GTF3C3: variants seen among roughly 807,000 people sequenced by gnomAD.
The protein encoded by GTF3C3 is general transcription factor IIIC subunit 3, also known as general transcription factor 3C polypeptide 3.
A neutral mutation model predicts 105.2 loss-of-function variants in GTF3C3; 75 were observed. That is an observed-to-expected ratio of 0.71 (90% CI 0.59 to 0.86). The LOEUF (loss-of-function observed/expected upper bound fraction) is 0.86. GTF3C3 is among the 40% of genes least tolerant of loss of function. The pLI is 0.00. For missense variants in GTF3C3, 856 were observed against 1,076.5 expected (o/e 0.80, Z 2.87); for synonymous variants, 335 against 370.4 (o/e 0.90, Z 1.10).
chr2:196,781,357 A>AAAAATATATAT, intron 8 of GTF3C3, among the ~76,000 whole-genome samples: 8 of 18,810 alleles, frequency 4.3e-4, no homozygotes, highest in African/African-American at 5.2e-4. Context: ...AAAAAAAAAA[A>AAAAATATATAT]ATATATATAT....
chr2:196,797,221 T>C (rs1699662386), intron 2 of GTF3C3, among the ~76,000 whole-genome samples: 1 of 152,236 alleles, frequency 6.6e-6, no homozygotes, highest in Non-Finnish European at 1.5e-5. Context: ...TGAACATTAA[T>C]AAATTTGCTT....
chr2:196,798,196 TTAA>T lies in GTF3C3; in HGVS notation c.103-291_103-289del, dbSNP rs1401261472. Among the ~76,000 whole-genome samples, 14 of 152,300 alleles carry T rather than the reference TTAA, an allele frequency of 9.2e-5. No individual in the cohort carries two copies. The South Asian group carries it at 2.1e-3, about 23-fold the overall frequency. On this transcript the variant is annotated intron_variant, in intron 1 of 17. Coordinates refer to ENST00000263956, the MANE Select transcript of GTF3C3 (RefSeq NM_012086.5). ...TGTAAAAAAAAATAAATAAAATATC[TTAA>T]TAATTTCATTAATGAACATATTGTA...
At chr2:196,775,863 T>C (rs1446771516) in intron 12 of GTF3C3, 147 bp downstream of exon 12, 2 of 488,370 alleles carry the variant, frequency 4.1e-6, no homozygotes, top group Non-Finnish European at 7.3e-6. Flanking sequence ...ACCAATAACC[T>C]CTAGCTTTTT....
chr2:196,764,488 A>G lies in GTF3C3; in HGVS notation c.*75T>C, dbSNP rs1415577151. ...TTGTCATTTCTATTTTGGAGTTACA[A>G]ATAATAAGCCCTGAGACAGAAGACA... On this transcript the variant is annotated 3_prime_UTR_variant, in exon 18 of 18. Coordinates refer to ENST00000263956, the MANE Select transcript of GTF3C3 (RefSeq NM_012086.5). The G allele has an allele frequency of 6.8e-6, 9 of 1,328,438 alleles. No individual in the cohort carries two copies. The highest frequency in any genetic ancestry group is 9.1e-6 in the Non-Finnish European group (9 of 989,238). The allele number at this position is 1,328,438 out of a possible 1,614,324, so 82.3% of individuals were successfully genotyped here.
chr2:196,787,802 G>A (rs1224158809), intron 6 of GTF3C3, among the ~76,000 whole-genome samples: 1 of 152,068 alleles, frequency 6.6e-6, no homozygotes, highest in Non-Finnish European at 1.5e-5. Context: ...GTTCAATAGT[G>A]GATACCCTGG....
chr2:196,794,062 C>G lies in GTF3C3; in HGVS notation c.215-910G>C, dbSNP rs921104941. On this transcript the variant is annotated intron_variant, in intron 2 of 17. Transcript: ENST00000263956. ...GCTGTGCTCTCATGAATAGATTAAT[C>G]CATTCATGATTTAATGGGTTATCAT... Among the ~76,000 whole-genome samples, 17 of 152,012 alleles carry G rather than the reference C, an allele frequency of 1.1e-4. 1 individual carries two copies. The highest frequency in any genetic ancestry group is 9.2e-4 in the Admixed American group (14 of 15,248).
At position 196,769,973 on chromosome 2, in the gene GTF3C3, G is replaced by T; in HGVS notation, c.2327C>A (p.Thr776Asn). The T allele has an allele frequency of 6.2e-7, 1 of 1,603,192 alleles. No homozygotes were observed. Among genetic ancestry groups the T allele is most frequent in the South Asian group, 1.1e-5 (1 of 89,606 alleles). The change falls in exon 16 of 18, where the codon ACC becomes AAC. Residue 776 changes from threonine (T) to asparagine (N), a missense_variant. By Grantham distance (65) the Thr-to-Asn change is moderately conservative. Coordinates refer to ENST00000263956, the MANE Select transcript of GTF3C3 (RefSeq NM_012086.5). Reference protein sequence around the residue: ...EPLYSFCIGLTFIHMASQKYV... With the variant: ...EPLYSFCIGLNFIHMASQKYV... ...CTTCTGAGATGCCATATGAATAAAG[G>T]TTAGGCCTATACAGAAGCTATAGAG...
At chr2:196,780,804 A>T (rs533833512) in intron 8 of GTF3C3, 142 bp from the exon 9 acceptor site, 1 of 979,756 alleles carries the variant, frequency 1.0e-6, no homozygotes, top group Non-Finnish European at 1.4e-6. Context: ...ATAAGTTCTT[A>T]TATCTCTCTC....
chr2:196,767,037 G>T (rs1213317947), intron 16 of GTF3C3: 1 of 175,682 alleles, frequency 5.7e-6, no homozygotes, highest in Non-Finnish European at 1.2e-5. Context: ...GCCGTTATAG[G>T]CCAATAAACT....
chr2:196,777,378 G>T (rs1196727214), intron 10 of GTF3C3, among the ~76,000 whole-genome samples: 1 of 152,196 alleles, frequency 6.6e-6, no homozygotes, highest in Non-Finnish European at 1.5e-5. Flanking sequence ...TAAGTTCTCA[G>T]AGTGAGGTTA....
rs555446057 is a variant in GTF3C3, at chr2:196,764,230, A to G, written c.*333T>C. 14 of 175,346 alleles carry G rather than the reference A, an allele frequency of 8.0e-5. No homozygotes were observed. Among genetic ancestry groups the G allele is most frequent in the South Asian group, 8.0e-4 (5 of 6,288 alleles). The allele number at this position is 175,346 out of a possible 1,614,324, so 10.9% of individuals were successfully genotyped here. ...CCTCATGTGATATTGACAGAGCTAT[A>G]GTATTAAATACAAAGATGAATAAAT... On this transcript the variant is annotated 3_prime_UTR_variant, in exon 18 of 18. Transcript: ENST00000263956.
rs766744462 is a variant in GTF3C3, at chr2:196,780,582, G to T, written c.1195C>A (p.Leu399Ile). ...ACATTAAGTGGTTCAAGAATGTTGA[G>T]ATGTACAAGGCAGACCATCAACTTC... ...TVKLMVCLVH[L>I]NILEPLNPLL... The change falls in exon 9 of 18, where the codon CTC (leucine) becomes ATC (isoleucine). Residue 399 changes from leucine (L) to isoleucine (I), a missense_variant. Leu to Ile is a conservative substitution (Grantham distance 5). This residue lies in a region of GTF3C3 where 605 missense variants were observed against 833.6 expected (regional missense o/e 0.73). Transcript: ENST00000263956. The T allele has an allele frequency of 1.9e-6, 3 of 1,612,978 alleles. No homozygotes were observed. The African/African-American group carries it at 4.0e-5, about 22-fold the overall frequency.
chr2:196,780,220 T>C, intron 9 of GTF3C3: 4 of 950,028 alleles, frequency 4.2e-6, no homozygotes, highest in Non-Finnish European at 5.1e-6. Flanking sequence ...AAGTACTTTT[T>C]TTTTTTCAAT....
intron 2 of GTF3C3, among the ~76,000 whole-genome samples, chr2:196,793,568 A>G (rs554088483): frequency 3.9e-4 from 60 of 152,300 alleles, no homozygotes; most frequent in African/African-American, 1.4e-3. Flanking sequence ...ATCTCCATCT[A>G]TCACTAGCTG....
intron 16 of GTF3C3, 145 bp from the exon 17 acceptor site, chr2:196,766,862 G>GC: frequency 2.1e-6 from 1 of 487,710 alleles, no homozygotes; most frequent in South Asian, 5.8e-5. Flanking sequence ...TAGTATTACA[G>GC]TGTAGTTAGG....
chr2:196,789,541 A>G (rs1699511378), intron 5 of GTF3C3, among the ~76,000 whole-genome samples, 172 bp from the exon 6 acceptor site: 2 of 152,200 alleles, frequency 1.3e-5, no homozygotes, highest in African/African-American at 4.8e-5. Flanking sequence ...TTGATGTAAG[A>G]GCAGATAGAA....
At position 196,791,458 on chromosome 2, in the gene GTF3C3, C is replaced by T; in HGVS notation, c.414G>A (p.Glu138=). 1 of 1,611,072 alleles carries T rather than the reference C, an allele frequency of 6.2e-7. No individual in the cohort carries two copies. The highest frequency in any genetic ancestry group is 1.1e-5 in the South Asian group (1 of 90,728). ...TGGGAAGTTTACTCCGAGGCCTTTT[C>T]TCCTGTATGGAAGAAAAATGACATT... The part of the protein sequence containing the change: ...LNRETKKMMK[E]KRPRSKLPRA... The change falls in exon 4 of 18, where the codon GAG becomes GAA. Residue 138 remains glutamate (E), a splice_region_variant and synonymous_variant. Coordinates refer to ENST00000263956, the MANE Select transcript of GTF3C3 (RefSeq NM_012086.5).
chr2:196,783,379 C>T (rs989535881), intron 8 of GTF3C3, among the ~76,000 whole-genome samples: 5 of 152,056 alleles, frequency 3.3e-5, no homozygotes, highest in Admixed American at 1.3e-4. Flanking sequence ...CCAAGTTTTC[C>T]AAACAAAGGA....
intron 13 of GTF3C3, among the ~76,000 whole-genome samples, chr2:196,774,808 T>TGTCAC (rs1699235446): frequency 6.6e-6 from 1 of 152,250 alleles, no homozygotes; most frequent in Non-Finnish European, 1.5e-5. Context: ...ACAAATCATC[T>TGTCAC]ATACTGTCAT....
Sources: allele counts gnomAD v4.1 joint callset (sites outside exome capture counted in the v4.1 genomes callset), GRCh38; gene constraint gnomAD v4.1.1; regional missense constraint gnomAD v4.1.1; transcripts MANE v1.5; gene names NCBI Gene and HGNC (gene_info 2026-07-23, HGNC 2026-07-21).